The following CSMD1 variants were observed in gnomAD, a reference collection of about 807,000 sequenced individuals.
The protein encoded by CSMD1 is CUB and sushi domain-containing protein 1.
Under a neutral mutation model 417.5 loss-of-function variants are expected in CSMD1, and 213 were observed. The observed-to-expected ratio is 0.51, with a 90% CI of 0.46 to 0.57. The LOEUF is 0.57. Ranked by LOEUF, CSMD1 falls within the 20% of genes least tolerant of loss-of-function variation. CSMD1 has a pLI of 0.00. For synonymous variants in CSMD1, 2,862 were observed against 1,736.8 expected, an observed-to-expected ratio of 1.65 and a Z score of -16.11; for missense variants, 6,923 against 4,529.7, an observed-to-expected ratio of 1.53 and a Z score of -15.17.
chr8:4,281,718 C>A (rs571730810), intron 3 of CSMD1, among the ~76,000 whole-genome samples: 1 of 152,188 alleles, frequency 6.6e-6, no homozygotes, highest in South Asian at 2.1e-4. Context: ...TTTGTATAAA[C>A]ATTAAACGGA....
Position 4,078,938 on chromosome 8 carries a change from TA to T in CSMD1, c.416-46840del, listed in dbSNP as rs1799980059. Reference sequence around the variant, plus strand: ...ATATATATATATATATATATATATATATATGTATGTTGAAAAGCTATCTTCT... The same window carrying T: ...ATATATATATATATATATATATATATTATGTATGTTGAAAAGCTATCTTCT... On this transcript the variant is annotated intron_variant, in intron 3 of 69. Coordinates refer to ENST00000635120, the MANE Select transcript of CSMD1 (RefSeq NM_033225.6). Among the ~76,000 whole-genome samples, 2 of 17,452 alleles carry T rather than the reference TA, an allele frequency of 1.1e-4. 1 individual carries two copies. The highest frequency in any genetic ancestry group is 4.2e-3 in the East Asian group (2 of 480). The allele number at this position is 17,452 out of a possible 152,430, so 11.4% of individuals were successfully genotyped here.
intron 3 of CSMD1, among the ~76,000 whole-genome samples, chr8:4,358,067 CGTATATAT>C (rs1563090192): frequency 1.3e-5 from 2 of 152,184 alleles, no homozygotes; most frequent in South Asian, 2.1e-4. Context: ...TGTATACTTA[CGTATATAT>C]GTATATATGT....
intron 3 of CSMD1, among the ~76,000 whole-genome samples, chr8:4,296,148 G>A (rs944028556): frequency 6.6e-6 from 1 of 152,038 alleles, no homozygotes; most frequent in Non-Finnish European, 1.5e-5. Context: ...AAAATGGAAG[G>A]TGTGGTCAAA....
At chr8:4,724,584 T>G (rs554367227) in intron 1 of CSMD1, among the ~76,000 whole-genome samples, 6 of 151,530 alleles carry the variant, frequency 4.0e-5, no homozygotes, top group African/African-American at 1.2e-4. Context: ...AGTGAAATTC[T>G]GTTGAAGAAG....
chr8:3,033,198 A>C (rs1424157073), intron 50 of CSMD1, among the ~76,000 whole-genome samples: 1 of 152,094 alleles, frequency 6.6e-6, no homozygotes, highest in East Asian at 1.9e-4. Context: ...ATTTCCTGTG[A>C]CCACACATTT....
At chr8:3,086,955 G>C in intron 49 of CSMD1, 142 bp downstream of exon 49, 2 of 770,614 alleles carry the variant, frequency 2.6e-6, no homozygotes, top group Non-Finnish European at 4.1e-6. Context: ...CCACTAGAAG[G>C]TTTAATTCGT....
intron 2 of CSMD1, among the ~76,000 whole-genome samples, chr8:4,480,203 A>C (rs1440700881): frequency 2.0e-5 from 3 of 151,306 alleles, no homozygotes; most frequent in African/African-American, 7.3e-5. Context: ...AAAAAAAACA[A>C]AAAAAAACCG....
chr8:3,816,357 A>G (rs1175002282), intron 5 of CSMD1, among the ~76,000 whole-genome samples: 1 of 152,206 alleles, frequency 6.6e-6, no homozygotes, highest in African/African-American at 2.4e-5. Flanking sequence ...AAAATAAGTG[A>G]GCACAGCAGG....
At chr8:4,705,027 T>C (rs765863969) in intron 1 of CSMD1, among the ~76,000 whole-genome samples, 7 of 152,180 alleles carry the variant, frequency 4.6e-5, no homozygotes, top group Non-Finnish European at 1.0e-4. Flanking sequence ...ATCATGGTAG[T>C]TATTTTTCCC....
chr8:4,338,131 G>A (rs1285887325), intron 3 of CSMD1, among the ~76,000 whole-genome samples: 1 of 152,040 alleles, frequency 6.6e-6, no homozygotes, highest in Non-Finnish European at 1.5e-5. Flanking sequence ...GAATTACTAT[G>A]ATTTTTATTC....
chr8:3,142,781 CTG>C, intron 40 of CSMD1, 107 bp from the exon 41 acceptor site: 1 of 952,632 alleles, frequency 1.0e-6, no homozygotes, highest in Non-Finnish European at 1.7e-6. Flanking sequence ...CAATCCCTCT[CTG>C]TGAGACAGAA....
chr8:4,613,912 G>A (rs957555450), intron 2 of CSMD1, among the ~76,000 whole-genome samples: 1 of 149,448 alleles, frequency 6.7e-6, no homozygotes, highest in African/African-American at 2.5e-5. Flanking sequence ...TTCTGTACTT[G>A]AAATTTAGTA....
chr8:3,606,954 C>A (rs1801648407), intron 8 of CSMD1, among the ~76,000 whole-genome samples: 1 of 152,134 alleles, frequency 6.6e-6, no homozygotes, highest in Non-Finnish European at 1.5e-5. Flanking sequence ...TCATGATCTG[C>A]CCACCTCAGC....
intron 1 of CSMD1, among the ~76,000 whole-genome samples, chr8:4,727,527 G>A (rs1809539079): frequency 6.6e-6 from 1 of 152,128 alleles, no homozygotes; most frequent in African/African-American, 2.4e-5. Context: ...TGCCTTCTGG[G>A]TGTGTTTTGC....
intron 3 of CSMD1, among the ~76,000 whole-genome samples, chr8:4,224,172 C>T (rs1801208293): frequency 6.6e-6 from 1 of 152,012 alleles, no homozygotes; most frequent in South Asian, 2.1e-4. Context: ...AATCACAAAA[C>T]TATAGACAAG....
chr8:3,298,653 C>T (rs1192158915), intron 25 of CSMD1, among the ~76,000 whole-genome samples: 1 of 152,152 alleles, frequency 6.6e-6, no homozygotes, highest in East Asian at 1.9e-4. Context: ...GGAGTTTCAC[C>T]ATGTTGATCA....
chr8:3,037,293 C>CCCTCCAT (rs1554495539), intron 50 of CSMD1, among the ~76,000 whole-genome samples: 1 of 145,604 alleles, frequency 6.9e-6, no homozygotes, highest in Non-Finnish European at 1.5e-5. Flanking sequence ...GCAAGCTCCG[C>CCCTCCAT]CTCCTGGGTT....
chr8:4,583,724 C>A (rs1260123437), intron 2 of CSMD1, among the ~76,000 whole-genome samples: 3 of 152,128 alleles, frequency 2.0e-5, no homozygotes, highest in Non-Finnish European at 2.9e-5. Flanking sequence ...ACACACCAGT[C>A]AGCACCCTGT....
intron 3 of CSMD1, among the ~76,000 whole-genome samples, chr8:4,052,612 TA>T (rs1379192920): frequency 2.0e-5 from 3 of 152,168 alleles, no homozygotes; most frequent in Non-Finnish European, 4.4e-5. Context: ...TTTAAGTATT[TA>T]GACCAGTATT....
Sources: allele counts gnomAD v4.1 joint callset (sites outside exome capture counted in the v4.1 genomes callset), GRCh38; gene constraint gnomAD v4.1.1; transcripts MANE v1.5; gene names NCBI Gene and HGNC (gene_info 2026-07-23, HGNC 2026-07-21).